Variants in EPHA2 observed in about 807,000 individuals in gnomAD.
The protein encoded by EPHA2 is EPH receptor A2, also known as ephrin type-A receptor 2.
Under a neutral mutation model 104.9 loss-of-function variants are expected in EPHA2, and 54 were observed. That is an observed-to-expected ratio of 0.51 (90% confidence interval 0.41 to 0.65). EPHA2 has a LOEUF of 0.65. Among genes scored for constraint, EPHA2 ranks in the 30% least tolerant of loss-of-function variants. The pLI is 0.00. For synonymous variants in EPHA2, 560 were observed against 559.1 expected (o/e 1.00, Z -0.02); for missense variants, 1,117 against 1,369.5 (o/e 0.82, Z 2.91).
chr1:16,149,393 G>A (rs2024996224), intron 2 of EPHA2, among the ~76,000 whole-genome samples: 4 of 152,308 alleles, frequency 2.6e-5, no homozygotes, highest in South Asian at 2.1e-4. Flanking sequence ...CAGAATTGCT[G>A]TGAGGATAAA....
Position 16,138,007 on chromosome 1 carries a change from C to G in EPHA2, c.1158G>C (p.Ser386=). Residue 386 remains serine, a synonymous_variant, in exon 5 of 17, where the codon TCG becomes TCC. Transcript: ENST00000358432. Reference sequence around the variant, plus strand: ...TGCGGGTCAGTCCGTGAGGAGGCTCCGAGTAGCGCACACTGGCCTCACACG... The same window carrying G: ...TGCGGGTCAGTCCGTGAGGAGGCTCGGAGTAGCGCACACTGGCCTCACACG... ...CGPCEASVRY[S]EPPHGLTRTS... The G allele has an allele frequency of 1.9e-6, 3 of 1,613,910 alleles. No individual in the cohort carries two copies. Among genetic ancestry groups the G allele is most frequent in the Non-Finnish European group, 2.5e-6 (3 of 1,179,998 alleles).
intron 1 of EPHA2, among the ~76,000 whole-genome samples, chr1:16,154,798 G>C (rs1470802104): frequency 1.4e-5 from 2 of 144,926 alleles, no homozygotes; most frequent in Non-Finnish European, 3.0e-5. Context: ...ACTTCTCACC[G>C]GCCCAAGTTT....
rs2024674247 is a variant in EPHA2 at position 16,135,802 on chromosome 1, A to G, written c.1313-32T>C. 2.5e-6 allele frequency: 3 copies of G among 1,190,914 alleles called. No homozygotes were observed. 73.8% of individuals were successfully genotyped at this position (1,190,914 alleles called of 1,614,324 possible). A position where few individuals can be genotyped will look rare whatever the true frequency, so the allele number is the denominator to read the frequency against. On this transcript the variant is annotated intron_variant, in intron 5 of 16. Transcript: ENST00000358432. The surrounding 1 kb of genome is among the most constrained non-coding windows in gnomAD (Gnocchi z 4.3). ...AGGACAGGCAGTGGGGGAAGTGGGT[A>G]AGAAGCTGCCTACGAGCAGGCAGGG... is the stretch of plus-strand genomic sequence containing the variant.
Position 16,134,382 on chromosome 1 carries a change from C to T in EPHA2, c.1682+86G>A, listed in dbSNP as rs529607384. On this transcript the variant is annotated intron_variant, in intron 8 of 16. Coordinates refer to ENST00000358432, the MANE Select transcript of EPHA2 (RefSeq NM_004431.5). This position sits in a 1 kb window ranked among gnomAD's most constrained non-coding sequence, Gnocchi z 4.5. The stretch of plus-strand genomic sequence containing the variant: ...TAGACTCGACTAGCATCCTGTGGGC[C>T]CCATCGTTCAGATGAGGAAATGGAG... 5 of 1,359,486 alleles carry T rather than the reference C, an allele frequency of 3.7e-6. No individual in the cohort carries two copies. In the South Asian group the frequency reaches 6.1e-5, roughly 17 times the overall value. The allele number at this position is 1,359,486 out of a possible 1,614,324, so 84.2% of individuals were successfully genotyped here.
Position 16,128,533 on chromosome 1 carries a change from C to T in EPHA2, c.2825+901G>A, listed in dbSNP as rs2124190249. On this transcript the variant is annotated intron_variant, in intron 16 of 16. Coordinates refer to ENST00000358432, the MANE Select transcript of EPHA2 (RefSeq NM_004431.5). This position sits in a 1 kb window ranked among gnomAD's most constrained non-coding sequence, Gnocchi z 4.7. ...CATCCCCTCCATACGGTTCCCAAAA[C>T]CTCCCAGCCTCCCGGTCTGTTCCCG... Among the ~76,000 whole-genome samples the T allele has an allele frequency of 6.6e-6, 1 of 152,330 alleles. No individual in the cohort carries two copies. The highest frequency in any genetic ancestry group is 2.1e-4 in the South Asian group (1 of 4,828).
At chr1:16,149,376 T>C (rs1032905832) in intron 2 of EPHA2, among the ~76,000 whole-genome samples, 1 of 152,178 alleles carries the variant, frequency 6.6e-6, no homozygotes, top group Non-Finnish European at 1.5e-5. Context: ...CAAGACCCCC[T>C]ACCTCACAGA....
chr1:16,156,028 G>A lies in EPHA2; in HGVS notation c.-96C>T. On this transcript the variant is annotated 5_prime_UTR_variant, in exon 1 of 17. Coordinates refer to ENST00000358432, the MANE Select transcript of EPHA2 (RefSeq NM_004431.5). ...CCTCGGTGTCCGCTCCCGCCCGCCG[G>A]CCTGCGCGCAACTTCTGCCCCTCCT... 1.8e-6 allele frequency: 2 copies of A among 1,117,834 alleles called. No individual in the cohort carries two copies. Among genetic ancestry groups the A allele is most frequent in the South Asian group, 1.8e-5 (1 of 55,314 alleles). 69.2% of individuals were successfully genotyped at this position (1,117,834 alleles called of 1,614,324 possible). A position where few individuals can be genotyped will look rare whatever the true frequency, so the allele number is the denominator to read the frequency against.
At chr1:16,140,222 A>C (rs1168125348) in intron 3 of EPHA2, among the ~76,000 whole-genome samples, 2 of 152,172 alleles carry the variant, frequency 1.3e-5, no homozygotes, top group Non-Finnish European at 2.9e-5. Context: ...CAGGGACCAC[A>C]CAAACAGCCG....
chr1:16,133,001 G>A (rs558630750), intron 11 of EPHA2, 179 bp downstream of exon 11: 110 of 788,078 alleles, frequency 1.4e-4, no homozygotes, highest in Admixed American at 7.0e-4. Context: ...GGGGAAGGTG[G>A]GCACAGGTGT....
chr1:16,148,848 G>A lies in EPHA2; in HGVS notation c.353C>T (p.Thr118Ile). 3 of 1,614,186 alleles carry A rather than the reference G, an allele frequency of 1.9e-6. No individual in the cohort carries two copies. The highest frequency in any genetic ancestry group is 2.5e-6 in the Non-Finnish European group (3 of 1,180,050). Residue 118 changes from threonine to isoleucine, a missense_variant, in exon 3 of 17, where the codon ACT becomes ATT. Thr to Ile is a moderately conservative substitution (Grantham distance 89). Coordinates refer to ENST00000358432, the MANE Select transcript of EPHA2 (RefSeq NM_004431.5). The surrounding 1 kb of genome is among the most constrained non-coding windows in gnomAD (Gnocchi z 4.9). The stretch of plus-strand genomic sequence containing the variant: ...CGACTCGGCATAGTAGAGGTTGAAA[G>A]TCTCCTTGCAGGAGCTGGCGCCACC... ...FPGGASSCKETFNLYYAESDL... is the reference protein window; with the variant it reads ...FPGGASSCKEIFNLYYAESDL...
chr1:16,149,104 G>A, intron 2 of EPHA2, 57 bp from the exon 3 acceptor site: 1 of 1,582,314 alleles, frequency 6.3e-7, no homozygotes, highest in Non-Finnish European at 8.6e-7. Context: ...CTGAGGCCCA[G>A]GTGGCAGAGT....
rs780098192 is a variant in EPHA2, at chr1:16,130,016, C to G, written c.2669+210G>C. Among the ~76,000 whole-genome samples, 1 of 152,210 alleles carries G rather than the reference C, an allele frequency of 6.6e-6. No homozygotes were observed. The highest frequency in any genetic ancestry group is 1.5e-5 in the Non-Finnish European group (1 of 68,046). Reference sequence around the variant, plus strand: ...TGAATGAAAACATATTAAGTGCTCACGCAGTGCCCTGCACACAGACACATA... The same window carrying G: ...TGAATGAAAACATATTAAGTGCTCAGGCAGTGCCCTGCACACAGACACATA... On this transcript the variant is annotated intron_variant, in intron 15 of 16. Coordinates refer to ENST00000358432, the MANE Select transcript of EPHA2 (RefSeq NM_004431.5). This position sits in a 1 kb window ranked among gnomAD's most constrained non-coding sequence, Gnocchi z 4.5.
At chr1:16,137,373 C>T (rs55807001) in intron 5 of EPHA2, among the ~76,000 whole-genome samples, 5 of 151,510 alleles carry the variant, frequency 3.3e-5, no homozygotes, top group South Asian at 2.1e-4. Flanking sequence ...CCGAGGCGGG[C>T]GGATCGCAAG....
At chr1:16,139,153 G>A (rs2024776687) in intron 3 of EPHA2, among the ~76,000 whole-genome samples, 1 of 152,060 alleles carries the variant, frequency 6.6e-6, no homozygotes, top group East Asian at 1.9e-4. Context: ...AGCAGGCTGG[G>A]GGCTCAGGCA....
At position 16,138,324 on chromosome 1, in the gene EPHA2, C is replaced by G. The variant is rs770789618; in HGVS notation, c.930G>C (p.Glu310Asp). ...CCTGAGGTGCCCGGAAGAAGCCTTC[C>G]TCACACTCGCAGGAGGTGGCACCCT... ...SPEGATSCEC[E>D]EGFFRAPQDP... The change falls in exon 4 of 17, where the codon GAG becomes GAC. Residue 310 changes from glutamate (E) to aspartate (D), a missense_variant. By Grantham distance (45) the Glu-to-Asp change is conservative. Around this residue, in one of 3 missense-constraint regions of EPHA2, gnomAD observed 664 missense variants for 784.8 expected, o/e 0.85. Coordinates refer to ENST00000358432, the MANE Select transcript of EPHA2 (RefSeq NM_004431.5). 1 of 1,613,796 alleles carries G rather than the reference C, an allele frequency of 6.2e-7. No homozygotes were observed. The highest frequency in any genetic ancestry group is 1.1e-5 in the South Asian group (1 of 91,046).
intron 3 of EPHA2, among the ~76,000 whole-genome samples, chr1:16,144,847 T>C (rs2024896636): frequency 6.6e-6 from 1 of 152,226 alleles, no homozygotes; most frequent in Non-Finnish European, 1.5e-5. Flanking sequence ...GACCTCAGTT[T>C]CCTCATCTGT....
At chr1:16,146,174 C>T (rs2024928627) in intron 3 of EPHA2, among the ~76,000 whole-genome samples, 1 of 152,138 alleles carries the variant, frequency 6.6e-6, no homozygotes, top group Non-Finnish European at 1.5e-5. Context: ...GGGAGGATCC[C>T]GAGGAGGAAC....
At chr1:16,129,740 T>C (rs1375956738) in intron 15 of EPHA2, 151 bp from the exon 16 acceptor site, 8 of 1,045,194 alleles carry the variant, frequency 7.7e-6, no homozygotes, top group Non-Finnish European at 1.1e-5. Context: ...CAAGTAGGGT[T>C]CAATGAGACC....
chr1:16,143,472 T>C (rs1435532389), intron 3 of EPHA2, among the ~76,000 whole-genome samples: 3 of 152,078 alleles, frequency 2.0e-5, no homozygotes, highest in Non-Finnish European at 4.4e-5. Flanking sequence ...GCCCCGGTTG[T>C]CTGGCAGGCC....
Sources: gnomAD v4.1 joint callset for allele counts (sites outside exome capture counted in the v4.1 genomes callset) on GRCh38, gnomAD v4.1.1 for gene constraint, gnomAD v4.1.1 regional missense constraint, Gnocchi (gnomAD v3.1) non-coding constraint, MANE v1.5 for transcripts, NCBI Gene and HGNC (gene_info 2026-07-23, HGNC 2026-07-21) for gene names.